PRPF8: variants seen among roughly 807,000 people sequenced by gnomAD.
The protein encoded by PRPF8 is pre-mRNA processing factor 8, also known as pre-mRNA-processing-splicing factor 8.
In PRPF8, 64 loss-of-function variants were observed where a neutral mutation model predicts 285.9. The ratio of observed to expected loss-of-function variants is 0.22; its 90% confidence interval spans 0.18 to 0.28. The LOEUF (loss-of-function observed/expected upper bound fraction) is 0.28, where lower values mean the gene tolerates loss of function less well. Among genes scored for constraint, PRPF8 ranks in the 10% least tolerant of loss-of-function variants. The probability of loss-of-function intolerance (pLI) is 1.00; values close to 1 mark genes in which losing one functional copy is unlikely to be tolerated. For synonymous variants in PRPF8, 1,325 were observed against 1,118.2 expected, an observed-to-expected ratio of 1.18 and a Z score of -3.69; for missense variants, 1,426 against 3,026.7, an observed-to-expected ratio of 0.47 and a Z score of 12.41.
intron 24 of PRPF8, among the ~76,000 whole-genome samples, chr17:1,664,143 G>A (rs1049014315): frequency 2.0e-5 from 3 of 152,018 alleles, no homozygotes; most frequent in African/African-American, 4.8e-5. Context: ...AGACTCTCCC[G>A]CCTCAGCCTC....
In PRPF8 at chr17:1,658,598, A is replaced by G. The variant is rs1911518003; in HGVS notation, c.5304T>C (p.Tyr1768=). 1 of 1,614,114 alleles carries G rather than the reference A, an allele frequency of 6.2e-7. No individual in the cohort carries two copies. Among genetic ancestry groups the G allele is most frequent in the African/African-American group, 1.3e-5 (1 of 74,952 alleles). Residue 1768 remains tyrosine, a synonymous_variant, in exon 33 of 43, where the codon TAT becomes TAC. Transcript: ENST00000304992. The surrounding 1 kb of genome is among the most constrained non-coding windows in gnomAD (Gnocchi z 4.1). ...TAATCTGGTTGGAGAAGAGCTCACC[A>G]TAGTTCTGAGAAGACAAATAAGGCT... ...PTEPYLSSQN[Y]GELFSNQIIW...
chr17:1,665,698 T>G (rs1232047759), intron 24 of PRPF8, among the ~76,000 whole-genome samples: 1 of 150,952 alleles, frequency 6.6e-6, no homozygotes, highest in African/African-American at 2.4e-5. Context: ...ACAAAAAAAT[T>G]AGCCGGGTGC....
rs1202269284 is a variant in PRPF8, at chr17:1,672,701, C to T, written c.3774+380G>A. Among the ~76,000 whole-genome samples, 15 of 152,296 alleles carry T rather than the reference C, an allele frequency of 9.8e-5. No individual in the cohort carries two copies. The East Asian group carries it at 1.5e-3, about 16-fold the overall frequency. On this transcript the variant is annotated intron_variant, in intron 24 of 42. Coordinates refer to ENST00000304992, the MANE Select transcript of PRPF8 (RefSeq NM_006445.4). ...CCTCTGAAGGTAAGTGAAGGAGAAA[C>T]GAACCCCGAGATGCCTATGAGGGCT...
In PRPF8 at chr17:1,655,257, C is replaced by A; in HGVS notation, c.5987+93G>T. ...ACAGGCATGAGCCACCGCGCCTGGC[C>A]TTCTTGAGAAACTTCTAAGCCTAAG... On this transcript the variant is annotated intron_variant, in intron 37 of 42. Transcript: ENST00000304992. The A allele has an allele frequency of 2.1e-6, 3 of 1,463,018 alleles. No individual in the cohort carries two copies. The Admixed American group carries it at 5.6e-5, about 27-fold the overall frequency. The allele number at this position is 1,463,018 out of a possible 1,614,324, so 90.6% of individuals were successfully genotyped here.
chr17:1,674,549 G>C lies in PRPF8; in HGVS notation c.3192C>G (p.Pro1064=), dbSNP rs759968678. The change falls in exon 21 of 43, where the codon CCC becomes CCG. Residue 1064 remains proline (P), a synonymous_variant. Coordinates refer to ENST00000304992, the MANE Select transcript of PRPF8 (RefSeq NM_006445.4). ...TGAGAAAGTCATTTGGCATCTGAGG[G>C]GGCCCAGCCATCTCACTGGCCCGGT... The part of the protein sequence containing the change: ...GLHRASEMAG[P]PQMPNDFLSF... 6.2e-6 allele frequency: 10 copies of C among 1,614,104 alleles called. No individual in the cohort carries two copies. The highest frequency in any genetic ancestry group is 8.5e-6 in the Non-Finnish European group (10 of 1,180,020).
Position 1,660,003 on chromosome 17 carries a change from T to TG in PRPF8, c.4786-3dup. ...TGCATCAAGTTCCTGGTCAAACACC[T>TG]GAAGGAAAACATGGAGAGATTAAGA... On this transcript the variant is annotated splice_region_variant and splice_polypyrimidine_tract_variant and intron_variant, in intron 30 of 42. Transcript: ENST00000304992. The TG allele has an allele frequency of 6.2e-7, 1 of 1,614,046 alleles. No homozygotes were observed. The highest frequency in any genetic ancestry group is 1.3e-5 in the African/African-American group (1 of 75,046).
rs765470352 is a variant in PRPF8, at chr17:1,656,657, G to A, written c.5610C>T (p.Asp1870=). Residue 1870 remains aspartate, a synonymous_variant, in exon 35 of 43, where the codon GAC becomes GAT. Coordinates refer to ENST00000304992, the MANE Select transcript of PRPF8 (RefSeq NM_006445.4). The stretch of plus-strand genomic sequence containing the variant: ...CACCCCACCCTCTTACCTCCAGTGG[G>A]TCCAGCATGCCCTTCCTGGTGACAA... ...QIIVTRKGML[D]PLEVHLLDFP... 3.1e-6 allele frequency: 5 copies of A among 1,614,048 alleles called. No homozygotes were observed. Among genetic ancestry groups the A allele is most frequent in the Non-Finnish European group, 4.2e-6 (5 of 1,179,994 alleles).
At chr17:1,670,660 T>C (rs1912260472) in intron 24 of PRPF8, among the ~76,000 whole-genome samples, 1 of 152,188 alleles carries the variant, frequency 6.6e-6, no homozygotes, top group South Asian at 2.1e-4. Flanking sequence ...CTAATTTTCA[T>C]ATTTTAAGTA....
At chr17:1,670,555 C>G (rs751479646) in intron 24 of PRPF8, among the ~76,000 whole-genome samples, 2 of 151,824 alleles carry the variant, frequency 1.3e-5, no homozygotes, top group Non-Finnish European at 2.9e-5. Context: ...GGTGGGATCT[C>G]GGCTCACTGC....
rs777940066 is a variant in PRPF8 at position 1,679,320 on chromosome 17, C to T, written c.1380G>A (p.Lys460=). The T allele has an allele frequency of 3.3e-5, 53 of 1,614,024 alleles. No homozygotes were observed. Among genetic ancestry groups the T allele is most frequent in the Non-Finnish European group, 1.7e-6 (2 of 1,180,036 alleles). Residue 460 remains lysine, a synonymous_variant, in exon 10 of 43, where the codon AAG becomes AAA. Transcript: ENST00000304992. The surrounding 1 kb of genome is among the most constrained non-coding windows in gnomAD (Gnocchi z 4.7). The stretch of plus-strand genomic sequence containing the variant: ...TCTTTTGAGCCTTAGGGGGCCGATG[C>T]TTCAGGGCATTCAGCACATAGTACT... ...LLKYYVLNAL[K]HRPPKAQKKR...
chr17:1,673,780 C>A lies in PRPF8; in HGVS notation c.3412G>T (p.Ala1138Ser). 1 of 1,614,156 alleles carries A rather than the reference C, an allele frequency of 6.2e-7. No individual in the cohort carries two copies. Among genetic ancestry groups the A allele is most frequent in the Non-Finnish European group, 8.5e-7 (1 of 1,180,028 alleles). ...TCATGTTTCATGAGGCGCATGCGGGCATCTCGGGGCCAGCACTTCTTGTTA... is the reference window on the plus strand; with the variant it reads ...TCATGTTTCATGAGGCGCATGCGGGAATCTCGGGGCCAGCACTTCTTGTTA... Reference protein sequence around the residue: ...YNNKKCWPRDARMRLMKHDVN... With the variant: ...YNNKKCWPRDSRMRLMKHDVN... The change falls in exon 22 of 43, where the codon GCC becomes TCC. Residue 1138 changes from alanine to serine, a missense_variant. This residue lies in a region of PRPF8 where 148 missense variants were observed against 196.2 expected (regional missense o/e 0.75). Coordinates refer to ENST00000304992, the MANE Select transcript of PRPF8 (RefSeq NM_006445.4). The surrounding 1 kb of genome is among the most constrained non-coding windows in gnomAD (Gnocchi z 5.5).
Position 1,661,259 on chromosome 17 carries a change from C to T in PRPF8, c.4338+12G>A. On this transcript the variant is annotated intron_variant, in intron 27 of 42. Coordinates refer to ENST00000304992, the MANE Select transcript of PRPF8 (RefSeq NM_006445.4). The surrounding 1 kb of genome is among the most constrained non-coding windows in gnomAD (Gnocchi z 7.3). ...TTTCCTGACTCAGGGAAAATCTGCT[C>T]CCTCTACATACCTGATACTGCTTAA... 1 of 1,614,142 alleles carries T rather than the reference C, an allele frequency of 6.2e-7. No homozygotes were observed. Among genetic ancestry groups the T allele is most frequent in the Non-Finnish European group, 8.5e-7 (1 of 1,180,032 alleles).
chr17:1,679,888 G>A lies in PRPF8; in HGVS notation c.1099-89C>T. 6.9e-7 allele frequency: 1 copy of A among 1,449,060 alleles called. No homozygotes were observed. The highest frequency in any genetic ancestry group is 9.7e-7 in the Non-Finnish European group (1 of 1,030,108). 89.8% of individuals were successfully genotyped at this position (1,449,060 alleles called of 1,614,324 possible). On this transcript the variant is annotated intron_variant, in intron 8 of 42. Transcript: ENST00000304992. This position sits in a 1 kb window ranked among gnomAD's most constrained non-coding sequence, Gnocchi z 4.7. ...GAAATTCTCTGGGGCCAAGCACAAA[G>A]CCTGTATCTGCTATGGAAACTGGGC... is the stretch of plus-strand genomic sequence containing the variant.
chr17:1,656,294 G>T, intron 36 of PRPF8, 98 bp downstream of exon 36: 1 of 1,460,516 alleles, frequency 6.8e-7, no homozygotes, highest in African/African-American at 1.4e-5. Context: ...CCAATCTATA[G>T]GCTAAAAATG....
rs749773647 is a variant in PRPF8, at chr17:1,679,326, G to A, written c.1374C>T (p.Ala458=). ...QKLLKYYVLN[A]LKHRPPKAQK... is the part of the protein sequence containing the mutation. The stretch of plus-strand genomic sequence containing the variant: ...GAGCCTTAGGGGGCCGATGCTTCAG[G>A]GCATTCAGCACATAGTACTTAAGCA... Residue 458 remains alanine (A), a synonymous_variant, in exon 10 of 43, where the codon GCC becomes GCT. Coordinates refer to ENST00000304992, the MANE Select transcript of PRPF8 (RefSeq NM_006445.4). This position sits in a 1 kb window ranked among gnomAD's most constrained non-coding sequence, Gnocchi z 4.7. 1.9e-6 allele frequency: 3 copies of A among 1,614,036 alleles called. No individual in the cohort carries two copies. Among genetic ancestry groups the A allele is most frequent in the South Asian group, 1.1e-5 (1 of 91,078 alleles).
At chr17:1,683,374 A>G in intron 3 of PRPF8, 159 bp downstream of exon 3, 3 of 809,306 alleles carry the variant, frequency 3.7e-6, no homozygotes, top group South Asian at 1.5e-5. Flanking sequence ...ACAGACTGCA[A>G]AAGTGGAAGA....
At chr17:1,668,284 T>C (rs1399948694) in intron 24 of PRPF8, among the ~76,000 whole-genome samples, 1 of 151,686 alleles carries the variant, frequency 6.6e-6, no homozygotes, top group African/African-American at 2.4e-5. Context: ...TACAATTCTT[T>C]CCCAGGCCAA....
At chr17:1,652,110 C>T (rs1911110174) in intron 39 of PRPF8, 2 of 469,590 alleles carry the variant, frequency 4.3e-6, no homozygotes, top group South Asian at 2.2e-5. Flanking sequence ...AAGCTGAAAA[C>T]ATCTGGAAAA....
At chr17:1,656,623 C>G in intron 35 of PRPF8, 25 bp downstream of exon 35, 1 of 1,613,964 alleles carries the variant, frequency 6.2e-7, no homozygotes, top group Non-Finnish European at 8.5e-7. Flanking sequence ...GGTCTCTTTT[C>G]TCCTACCCCA....
Sources: gnomAD v4.1 joint callset for allele counts (sites outside exome capture counted in the v4.1 genomes callset) on GRCh38, gnomAD v4.1.1 for gene constraint, gnomAD v4.1.1 regional missense constraint, Gnocchi (gnomAD v3.1) non-coding constraint, MANE v1.5 for transcripts, NCBI Gene and HGNC (gene_info 2026-07-23, HGNC 2026-07-21) for gene names.